ASIP: variants seen among roughly 807,000 people sequenced by gnomAD.
The protein encoded by ASIP is agouti signaling protein, also known as agouti-signaling protein.
In ASIP, 11 loss-of-function variants were observed where a neutral mutation model predicts 10.3. The observed-to-expected ratio is 1.07, with a 90% CI of 0.68 to 1.78. The LOEUF is 1.78. Among genes scored for constraint, ASIP ranks in the 40% most tolerant of loss-of-function variants. The pLI is 0.00. For synonymous variants in ASIP, 70 were observed against 70.8 expected (o/e 0.99, Z 0.06); for missense variants, 180 against 169.2 (o/e 1.06, Z -0.35).
At chr20:34,246,220 CT>C (rs948839657) in intron 1 of ASIP, 1 of 1,493,008 alleles carries the variant, frequency 6.7e-7, no homozygotes, top group South Asian at 1.3e-5. Context: ...GTATGGTCTT[CT>C]TTTTTTGTTT....
At chr20:34,234,459 A>G (rs1170005020) in intron 1 of ASIP, among the ~76,000 whole-genome samples, 1 of 152,104 alleles carries the variant, frequency 6.6e-6, no homozygotes, top group African/African-American at 2.4e-5. Context: ...GGGCGCTATC[A>G]GCTTTCTTTC....
At chr20:34,216,838 T>C (rs1183985129) in intron 1 of ASIP, among the ~76,000 whole-genome samples, 1 of 152,236 alleles carries the variant, frequency 6.6e-6, no homozygotes, top group African/African-American at 2.4e-5. Context: ...TATTCTAAAT[T>C]TGTTCTTTTT....
chr20:34,202,621 A>C (rs1413993807), intron 1 of ASIP, among the ~76,000 whole-genome samples: 1 of 151,674 alleles, frequency 6.6e-6, no homozygotes, highest in Non-Finnish European at 1.5e-5. Flanking sequence ...TTATTAATCC[A>C]TTGTCTATCT....
intron 1 of ASIP, among the ~76,000 whole-genome samples, chr20:34,227,215 CG>C (rs2122572847): frequency 6.6e-6 from 1 of 151,514 alleles, no homozygotes; most frequent in East Asian, 1.9e-4. Context: ...TACAAATTGA[CG>C]TGTTAAAAAA....
chr20:34,216,461 A>AT (rs900766707), intron 1 of ASIP, among the ~76,000 whole-genome samples: 14 of 152,158 alleles, frequency 9.2e-5, no homozygotes, highest in African/African-American at 2.9e-4. Flanking sequence ...CCAATATTTT[A>AT]TTTTTACTTT....
At chr20:34,248,940 A>C (rs1034626041) in intron 1 of ASIP, among the ~76,000 whole-genome samples, 2 of 150,972 alleles carry the variant, frequency 1.3e-5, no homozygotes, top group African/African-American at 4.9e-5. Context: ...CAACATGGTA[A>C]AACCCCATCT....
chr20:34,235,859 A>AG lies in ASIP; in HGVS notation c.-10-24504dup, dbSNP rs1568756158. 1.4e-3 allele frequency among the ~76,000 whole-genome samples: 52 copies of AG among 37,448 alleles called. 1 individual carries two copies. Among genetic ancestry groups the AG allele is most frequent in the East Asian group, 8.3e-3 (10 of 1,210 alleles). The allele number at this position is 37,448 out of a possible 152,430, so 24.6% of individuals were successfully genotyped here. On this transcript the variant is annotated intron_variant, in intron 1 of 3. Coordinates refer to the ASIP transcript ENST00000568305. ...AAAGAAAGAAGGAAGGAAGGAAGGAAGGAAGGAAAGGAAGGAAGGAAGGAA... is the reference window on the plus strand; with the variant it reads ...AAAGAAAGAAGGAAGGAAGGAAGGAAGGGAAGGAAAGGAAGGAAGGAAGGAA...
chr20:34,203,536 T>C (rs1395630814), intron 1 of ASIP, among the ~76,000 whole-genome samples: 1 of 151,808 alleles, frequency 6.6e-6, no homozygotes, highest in Non-Finnish European at 1.5e-5. Context: ...GAGCTGGGAT[T>C]ACAGGCACCT....
chr20:34,197,156 C>T (rs376686619), intron 1 of ASIP, among the ~76,000 whole-genome samples: 97 of 152,098 alleles, frequency 6.4e-4, no homozygotes, highest in African/African-American at 2.2e-3. Flanking sequence ...AGGTGGATCA[C>T]GAGGTCAAGA....
At chr20:34,221,179 C>A (rs931806496) in intron 1 of ASIP, among the ~76,000 whole-genome samples, 1 of 151,606 alleles carries the variant, frequency 6.6e-6, no homozygotes, top group Non-Finnish European at 1.5e-5. Context: ...GAGATCGAGA[C>A]CATCCTGGCT....
chr20:34,241,026 C>A (rs1016804565), upstream of ASIP, among the ~76,000 whole-genome samples: 1 of 152,170 alleles, frequency 6.6e-6, no homozygotes, highest in Non-Finnish European at 1.5e-5. Context: ...CACGCCTTGC[C>A]TCTGCTATCC....
At chr20:34,249,379 T>C (rs1044882866) in intron 1 of ASIP, among the ~76,000 whole-genome samples, 1 of 149,878 alleles carries the variant, frequency 6.7e-6, no homozygotes, top group African/African-American at 2.5e-5. Context: ...CAGCTGAAGG[T>C]GATGTCTATA....
At chr20:34,252,731 T>C (rs1442790386) in intron 1 of ASIP, among the ~76,000 whole-genome samples, 2 of 152,110 alleles carry the variant, frequency 1.3e-5, no homozygotes, top group Non-Finnish European at 2.9e-5. Context: ...GGTCTTTCCT[T>C]TCCCACGAGG....
intron 1 of ASIP, among the ~76,000 whole-genome samples, chr20:34,197,274 T>C (rs1202104602): frequency 6.6e-6 from 1 of 152,042 alleles, no homozygotes; most frequent in Non-Finnish European, 1.5e-5. Flanking sequence ...GGCAGGAGAA[T>C]TGCTGGAACT....
chr20:34,235,876 A>G (rs2035189051), intron 1 of ASIP, among the ~76,000 whole-genome samples: 1 of 94,996 alleles, frequency 1.1e-5, no homozygotes, highest in Non-Finnish European at 1.9e-5. Flanking sequence ...AAAGGAAGGA[A>G]GGAAGGAAGG....
chr20:34,216,379 CCTGT>C (rs1290656769), intron 1 of ASIP, among the ~76,000 whole-genome samples: 3 of 152,324 alleles, frequency 2.0e-5, no homozygotes, highest in South Asian at 4.1e-4. Flanking sequence ...GGGGCCGTCT[CCTGT>C]CTATTTCTTA....
At chr20:34,220,263 CTAA>C (rs1424569669) in intron 1 of ASIP, among the ~76,000 whole-genome samples, 1 of 151,986 alleles carries the variant, frequency 6.6e-6, no homozygotes, top group Non-Finnish European at 1.5e-5. Flanking sequence ...GGGAATCAGA[CTAA>C]TAAATGGGCA....
At chr20:34,241,550 G>T in intron 1 of ASIP, 61 bp downstream of exon 1, 1 of 984,800 alleles carries the variant, frequency 1.0e-6, no homozygotes, top group Non-Finnish European at 1.2e-6. Flanking sequence ...ACTTTGGAAA[G>T]TTGAAAGGAC....
chr20:34,233,010 C>T (rs1262144621), intron 1 of ASIP, among the ~76,000 whole-genome samples: 2 of 152,152 alleles, frequency 1.3e-5, no homozygotes, highest in Admixed American at 1.3e-4. Flanking sequence ...GTACTGGGAT[C>T]GTTGTTCTCC....
Sources: gnomAD v4.1 joint callset for allele counts (sites outside exome capture counted in the v4.1 genomes callset) on GRCh38, gnomAD v4.1.1 for gene constraint, MANE v1.5 for transcripts, NCBI Gene and HGNC (gene_info 2026-07-23, HGNC 2026-07-21) for gene names.